Variants in FAM81A observed in about 807,000 individuals in gnomAD.
FAM81A encodes the protein family with sequence similarity 81 member A.
In FAM81A, 19 loss-of-function variants were observed where a neutral mutation model predicts 46.7. The observed-to-expected ratio is 0.41, with a 90% confidence interval of 0.28 to 0.60. The LOEUF (loss-of-function observed/expected upper bound fraction) is 0.60, where lower values mean the gene tolerates loss of function less well. FAM81A is among the 20% of genes least tolerant of loss of function. FAM81A has a pLI of 0.34. For synonymous variants in FAM81A, 183 were observed against 152.9 expected, an observed-to-expected ratio of 1.20 and a Z score of -1.45; for missense variants, 377 against 453.5, an observed-to-expected ratio of 0.83 and a Z score of 1.53.
chr15:59,421,790 T>TCTATCTAC (rs1555426023), intron 2 of FAM81A, among the ~76,000 whole-genome samples: 14 of 143,388 alleles, frequency 9.8e-5, no homozygotes, highest in East Asian at 6.1e-4. Context: ...TATCTATCTA[T>TCTATCTAC]CTACCTACCT....
In FAM81A at chr15:59,456,397, G is replaced by A. The variant is rs531906257; in HGVS notation, c.-77-2153G>A. 1.3e-3 allele frequency among the ~76,000 whole-genome samples: 192 copies of A among 152,268 alleles called. 1 individual carries two copies. Among genetic ancestry groups the A allele is most frequent in the African/African-American group, 3.0e-3 (125 of 41,542 alleles). ...CCAGAGCATGTTCAGAAGAAAGGAA[G>A]TAGAGGTTGGAGTGTTGAAGAGAAG... On this transcript the variant is annotated intron_variant, in intron 1 of 8. Coordinates refer to ENST00000288228, the MANE Select transcript of FAM81A (RefSeq NM_152450.3).
intron 3 of FAM81A, among the ~76,000 whole-genome samples, chr15:59,478,463 A>G (rs1227024551): frequency 1.3e-5 from 2 of 152,212 alleles, no homozygotes; most frequent in Non-Finnish European, 2.9e-5. Flanking sequence ...TGATGTTAAC[A>G]TGTAGTCGGA....
At chr15:59,458,720 GT>G in intron 2 of FAM81A, 74 bp downstream of exon 2, 1 of 1,412,202 alleles carries the variant, frequency 7.1e-7, no homozygotes, top group Non-Finnish European at 1.0e-6. Flanking sequence ...AGCTTGGGCT[GT>G]TACATTATCG....
Position 59,438,224 on chromosome 15 carries a change from C to T in FAM81A, c.-136C>T, listed in dbSNP as rs1261157085. The T allele has an allele frequency of 3.4e-5, 5 of 148,014 alleles. No individual in the cohort carries two copies. Among genetic ancestry groups the T allele is most frequent in the East Asian group, 2.0e-4 (1 of 5,114 alleles). The allele number at this position is 148,014 out of a possible 1,614,324, so 9.2% of individuals were successfully genotyped here. A position where few individuals can be genotyped will look rare whatever the true frequency, so the allele number is the denominator to read the frequency against. On this transcript the variant is annotated 5_prime_UTR_variant, in exon 1 of 9. Transcript: ENST00000288228. ...CTGCTCAGCCAGCGCCAGCGGCCGC[C>T]GCACCCAGCCGCGCCGGCGAGGACA...
At chr15:59,432,926 G>A (rs1392941793) in intron 2 of FAM81A, among the ~76,000 whole-genome samples, 2 of 150,812 alleles carry the variant, frequency 1.3e-5, no homozygotes, top group Non-Finnish European at 2.9e-5. Flanking sequence ...ACGAGGTCAG[G>A]AGATCGAGAC....
intron 2 of FAM81A, among the ~76,000 whole-genome samples, chr15:59,426,376 G>A (rs1373238025): frequency 6.6e-6 from 1 of 152,138 alleles, no homozygotes; most frequent in East Asian, 1.9e-4. Context: ...GGAGACCGAG[G>A]TGGGCGATCA....
intron 2 of FAM81A, among the ~76,000 whole-genome samples, chr15:59,409,631 T>A (rs547648910): frequency 5.9e-5 from 9 of 152,258 alleles, no homozygotes; most frequent in African/African-American, 2.2e-4. Context: ...AAAGCCAGTT[T>A]TCGATTTTCT....
At chr15:59,422,485 T>C (rs1199718102) in intron 2 of FAM81A, among the ~76,000 whole-genome samples, 1 of 152,076 alleles carries the variant, frequency 6.6e-6, no homozygotes, top group African/African-American at 2.4e-5. Context: ...ATTTTATTTA[T>C]TTATTTTTTG....
chr15:59,519,785 A>G (rs1042254245), intron 8 of FAM81A, among the ~76,000 whole-genome samples: 2 of 152,096 alleles, frequency 1.3e-5, no homozygotes, highest in Non-Finnish European at 2.9e-5. Flanking sequence ...GTATATATAC[A>G]CAATTTCTTT....
chr15:59,476,523 A>C (rs1355263426), intron 3 of FAM81A, among the ~76,000 whole-genome samples: 2 of 152,238 alleles, frequency 1.3e-5, no homozygotes, highest in Non-Finnish European at 2.9e-5. Flanking sequence ...TCACGCCTGT[A>C]ATCCCATCAC....
At chr15:59,403,217 C>T (rs1324472595) in intron 2 of FAM81A, among the ~76,000 whole-genome samples, 1 of 152,062 alleles carries the variant, frequency 6.6e-6, no homozygotes, top group Non-Finnish European at 1.5e-5. Context: ...GGGCTACCCC[C>T]CCATCCCACA....
chr15:59,516,869 CTTTA>C, intron 8 of FAM81A, 29 bp downstream of exon 8: 1 of 1,539,218 alleles, frequency 6.5e-7, no homozygotes, highest in African/African-American at 1.4e-5. Context: ...AGCTCACGTG[CTTTA>C]TTTTCTGTTT....
rs761176856 is a variant in FAM81A at position 59,460,715 on chromosome 15, G to A, written c.294+509G>A. On this transcript the variant is annotated intron_variant, in intron 3 of 8. Transcript: ENST00000288228. The surrounding 1 kb of genome is among the most constrained non-coding windows in gnomAD (Gnocchi z 4.4). ...TTCTTTGAAATGAGACCAATAAAAG[G>A]CCAATATTGTCTATTTTTAGAATTG... The A allele has an allele frequency of 6.6e-5, 13 of 196,314 alleles. No homozygotes were observed. Among genetic ancestry groups the A allele is most frequent in the Middle Eastern group, 2.3e-3 (1 of 436 alleles). The allele number at this position is 196,314 out of a possible 1,614,324, so 12.2% of individuals were successfully genotyped here.
At chr15:59,456,590 T>C (rs1354642913) in intron 1 of FAM81A, among the ~76,000 whole-genome samples, 2 of 152,174 alleles carry the variant, frequency 1.3e-5, no homozygotes, top group Non-Finnish European at 2.9e-5. Context: ...TGTTTGTTTG[T>C]ATTTGAGACA....
At chr15:59,449,180 G>A (rs1248332888) in intron 1 of FAM81A, among the ~76,000 whole-genome samples, 1 of 152,078 alleles carries the variant, frequency 6.6e-6, no homozygotes, top group African/African-American at 2.4e-5. Flanking sequence ...GAATGCTTAG[G>A]GCAAGAGTGA....
rs764318600 is a variant in FAM81A at position 59,459,935 on chromosome 15, G to A, written c.23G>A (p.Arg8Gln). The A allele has an allele frequency of 3.1e-6, 5 of 1,593,726 alleles. No individual in the cohort carries two copies. The highest frequency in any genetic ancestry group is 1.3e-5 in the African/African-American group (1 of 74,376). Residue 8 changes from arginine (R) to glutamine (Q), a missense_variant and splice_region_variant, in exon 3 of 9, where the codon CGA (arginine) becomes CAA (glutamine). By Grantham distance (43) the Arg-to-Gln change is conservative. Transcript: ENST00000288228. ...ACCCTCATGGTTCCCTTCTGCAGGC[G>A]AGTGAGAACCATGCCCCGACACAGC... MENMHLR[R>Q]VRTMPRHSQS... is the part of the protein sequence containing the mutation.
chr15:59,440,279 C>A (rs1441219733), intron 1 of FAM81A, among the ~76,000 whole-genome samples: 2 of 151,778 alleles, frequency 1.3e-5, no homozygotes, highest in Non-Finnish European at 2.9e-5. Flanking sequence ...GGGGCTGGGG[C>A]AGGGTGGGGG....
intron 6 of FAM81A, among the ~76,000 whole-genome samples, chr15:59,512,205 G>A (rs1273555560): frequency 6.6e-6 from 1 of 152,066 alleles, no homozygotes; most frequent in Non-Finnish European, 1.5e-5. Context: ...CTGGCCAGGC[G>A]AGGGGGCTAA....
At chr15:59,430,507 C>T (rs1171858717) in intron 2 of FAM81A, among the ~76,000 whole-genome samples, 3 of 152,050 alleles carry the variant, frequency 2.0e-5, no homozygotes, top group Non-Finnish European at 4.4e-5. Context: ...CTCAGGTGAT[C>T]CACCTGCCTT....
Sources: allele counts gnomAD v4.1 joint callset (sites outside exome capture counted in the v4.1 genomes callset), GRCh38; gene constraint gnomAD v4.1.1; non-coding constraint Gnocchi (gnomAD v3.1); transcripts MANE v1.5; gene names NCBI Gene and HGNC (gene_info 2026-07-23, HGNC 2026-07-21).